The following SIK3 variants were observed in gnomAD, a reference collection of about 807,000 sequenced individuals.
SIK3 encodes SIK family kinase 3.
SIK3 carries 28 observed loss-of-function variants against 144.2 expected under a neutral mutation model. The ratio of observed to expected loss-of-function variants is 0.19; its 90% confidence interval spans 0.14 to 0.27. SIK3 has a LOEUF of 0.27. Among genes scored for constraint, SIK3 ranks in the 10% least tolerant of loss-of-function variants. The pLI, the probability that SIK3 is intolerant of heterozygous loss-of-function variation, is 1.00. For missense variants in SIK3, 1,319 were observed against 1,776.0 expected (o/e 0.74, Z 4.62); for synonymous variants, 686 against 676.3 (o/e 1.01, Z -0.22).
chr11:117,016,663 A>C lies in SIK3; in HGVS notation c.274-59599T>G, dbSNP rs80220298. On this transcript the variant is annotated intron_variant, in intron 1 of 24. Coordinates refer to ENST00000445177, the MANE Select transcript of SIK3 (RefSeq NM_001366686.3). ...ACCCTGTCTCCGAAAAAATTGTTTT[A>C]ATTTAAAAAATAAAATAATGTTCTT... 7.2e-5 allele frequency among the ~76,000 whole-genome samples: 11 copies of C among 152,318 alleles called. No homozygotes were observed. The East Asian group carries it at 2.1e-3, about 29-fold the overall frequency.
chr11:117,071,580 G>A (rs144751235), intron 1 of SIK3, among the ~76,000 whole-genome samples: 34 of 152,058 alleles, frequency 2.2e-4, no homozygotes, highest in African/African-American at 7.5e-4. Context: ...GAAGGAAGAA[G>A]GGGAAGAAGA....
intron 1 of SIK3, among the ~76,000 whole-genome samples, chr11:117,079,881 A>AT (rs1954708845): frequency 6.6e-6 from 1 of 152,146 alleles, no homozygotes; most frequent in Non-Finnish European, 1.5e-5. Flanking sequence ...TTAAAAAGCT[A>AT]TTACAGGCCA....
intron 3 of SIK3, among the ~76,000 whole-genome samples, chr11:116,938,424 T>G (rs1180838518): frequency 3.7e-3 from 28 of 7,556 alleles, no homozygotes; most frequent in Admixed American, 9.2e-3. Context: ...AAAAGGAAAA[T>G]GAAAAGAAGG....
At chr11:117,013,336 C>CA (rs1315029762) in intron 1 of SIK3, among the ~76,000 whole-genome samples, 2 of 152,098 alleles carry the variant, frequency 1.3e-5, no homozygotes, top group East Asian at 3.9e-4. Flanking sequence ...ACTAAAAGTA[C>CA]AAAAAATCAC....
At chr11:117,068,914 A>G (rs188135481) in intron 1 of SIK3, among the ~76,000 whole-genome samples, 13 of 152,228 alleles carry the variant, frequency 8.5e-5, no homozygotes, top group East Asian at 3.9e-4. Flanking sequence ...CTTCACCTAT[A>G]AGGAGGAAGA....
chr11:116,919,915 T>G (rs1254347962), intron 4 of SIK3, among the ~76,000 whole-genome samples: 1 of 152,184 alleles, frequency 6.6e-6, no homozygotes, highest in African/African-American at 2.4e-5. Flanking sequence ...CTTTGCATGT[T>G]TACTGCCACC....
chr11:116,950,481 C>A (rs1948882497), intron 3 of SIK3, among the ~76,000 whole-genome samples: 1 of 152,190 alleles, frequency 6.6e-6, no homozygotes, highest in South Asian at 2.1e-4. Flanking sequence ...TCCCAAACAG[C>A]CCAGTCTAAA....
chr11:116,868,151 A>G (rs1943754329), intron 14 of SIK3, 62 bp from the exon 15 acceptor site: 3 of 1,544,896 alleles, frequency 1.9e-6, no homozygotes, highest in Non-Finnish European at 2.6e-6. Flanking sequence ...CCTCCACAAG[A>G]AGCATTAGAA....
chr11:117,011,735 C>T (rs1433923591), intron 1 of SIK3, among the ~76,000 whole-genome samples: 1 of 152,132 alleles, frequency 6.6e-6, no homozygotes, highest in Non-Finnish European at 1.5e-5. Flanking sequence ...CCCTTGGGAG[C>T]TTGGGGAGCT....
rs1277987980 is a variant in SIK3 at position 117,098,176 on chromosome 11, G to A, written c.240C>T (p.Val80=). The A allele has an allele frequency of 4.6e-6, 7 of 1,520,400 alleles. No homozygotes were observed. Among genetic ancestry groups the A allele is most frequent in the Non-Finnish European group, 6.2e-6 (7 of 1,133,650 alleles). The allele number at this position is 1,520,400 out of a possible 1,614,324, so 94.2% of individuals were successfully genotyped here. The change falls in exon 1 of 25, where the codon GTC becomes GTT. Residue 80 remains valine (V), a synonymous_variant. Coordinates refer to ENST00000445177, the MANE Select transcript of SIK3 (RefSeq NM_001366686.3). The part of the protein sequence containing the change: ...RTIGKGNFAV[V]KRATHLVTKA... ...TGGTGACGAGGTGCGTGGCCCGCTT[G>A]ACCACCGCGAAGTTGCCCTTGCCGA... is the stretch of plus-strand genomic sequence containing the variant.
At chr11:117,042,500 A>G (rs1301659421) in intron 1 of SIK3, among the ~76,000 whole-genome samples, 1 of 152,214 alleles carries the variant, frequency 6.6e-6, no homozygotes, top group Non-Finnish European at 1.5e-5. Context: ...TACAACCAGG[A>G]ATCCTCGTAT....
chr11:116,890,435 A>C (rs1285548308), intron 6 of SIK3, among the ~76,000 whole-genome samples: 1 of 152,208 alleles, frequency 6.6e-6, no homozygotes, highest in African/African-American at 2.4e-5. Context: ...TTTTATTCTG[A>C]ATGTAAACAA....
chr11:117,081,056 G>A (rs1176579083), intron 1 of SIK3, among the ~76,000 whole-genome samples: 1 of 151,924 alleles, frequency 6.6e-6, no homozygotes, highest in Non-Finnish European at 1.5e-5. Flanking sequence ...AAATGATTGA[G>A]ACAAGGACAA....
At chr11:116,926,230 C>T (rs1319526069) in intron 4 of SIK3, among the ~76,000 whole-genome samples, 1 of 152,154 alleles carries the variant, frequency 6.6e-6, no homozygotes, top group East Asian at 1.9e-4. Context: ...CGGGGATACA[C>T]GATGCTATAC....
chr11:116,953,073 C>G (rs1357841094), intron 3 of SIK3, among the ~76,000 whole-genome samples: 2 of 152,022 alleles, frequency 1.3e-5, no homozygotes, highest in African/African-American at 4.8e-5. Context: ...CAAAAAAACA[C>G]TAGATCGCTA....
At chr11:116,908,245 A>G (rs1946154648) in intron 4 of SIK3, among the ~76,000 whole-genome samples, 1 of 152,198 alleles carries the variant, frequency 6.6e-6, no homozygotes, top group African/African-American at 2.4e-5. Flanking sequence ...GGAGGCCAAG[A>G]CAGGAGGATT....
At chr11:116,964,413 T>C (rs1387539249) in intron 1 of SIK3, among the ~76,000 whole-genome samples, 1 of 152,158 alleles carries the variant, frequency 6.6e-6, no homozygotes, top group Non-Finnish European at 1.5e-5. Context: ...CTATTCATTA[T>C]ACACACCAAT....
chr11:116,937,477 A>G (rs1000695798), intron 3 of SIK3, among the ~76,000 whole-genome samples: 2 of 152,204 alleles, frequency 1.3e-5, no homozygotes, highest in African/African-American at 4.8e-5. Flanking sequence ...GGTACATAAT[A>G]CCTAACTATA....
chr11:116,860,167 C>A (rs888878508), intron 19 of SIK3, among the ~76,000 whole-genome samples: 19 of 151,962 alleles, frequency 1.3e-4, no homozygotes, highest in African/African-American at 4.6e-4. Flanking sequence ...ATCATTTGAA[C>A]CCGGAGGTGG....
Sources: allele counts gnomAD v4.1 joint callset (sites outside exome capture counted in the v4.1 genomes callset), GRCh38; gene constraint gnomAD v4.1.1; transcripts MANE v1.5; gene names NCBI Gene and HGNC (gene_info 2026-07-23, HGNC 2026-07-21).